Variants in IFT57 observed in about 807,000 individuals in gnomAD.
IFT57 encodes the protein intraflagellar transport 57, also known as intraflagellar transport protein 57 homolog.
Under a neutral mutation model 56.8 loss-of-function variants are expected in IFT57, and 59 were observed. The observed-to-expected ratio is 1.04, with a 90% confidence interval of 0.84 to 1.29. IFT57 has a LOEUF of 1.29. Ranked by LOEUF, IFT57 falls within the 50% of genes most tolerant of loss-of-function variation. The pLI, the probability that IFT57 is intolerant of heterozygous loss-of-function variation, is 0.00. For synonymous variants in IFT57, 209 were observed against 186.1 expected (o/e 1.12, Z -1.00); for missense variants, 470 against 522.1 (o/e 0.90, Z 0.97).
chr3:108,179,329 T>C (rs2080140090), intron 6 of IFT57, among the ~76,000 whole-genome samples: 2 of 151,932 alleles, frequency 1.3e-5, no homozygotes, highest in African/African-American at 4.8e-5. Flanking sequence ...TTTGCAAATC[T>C]GAATGGCAGA....
intron 5 of IFT57, among the ~76,000 whole-genome samples, chr3:108,200,387 T>C (rs1253175012): frequency 4.6e-5 from 7 of 151,422 alleles, no homozygotes; most frequent in Admixed American, 4.6e-4. Context: ...ACTACCGAGA[T>C]GGCCTGGGTA....
At chr3:108,198,172 G>C (rs1264352694) in intron 5 of IFT57, among the ~76,000 whole-genome samples, 2 of 152,138 alleles carry the variant, frequency 1.3e-5, no homozygotes, top group African/African-American at 4.8e-5. Context: ...TGGTAGGTCA[G>C]GCAGTGTTAC....
intron 2 of IFT57, among the ~76,000 whole-genome samples, chr3:108,219,099 T>C (rs1287566016): frequency 8.0e-6 from 1 of 125,640 alleles, no homozygotes; most frequent in African/African-American, 2.9e-5. Context: ...GAATATGAAG[T>C]GTTTTGGCTT....
intron 5 of IFT57, among the ~76,000 whole-genome samples, chr3:108,206,041 T>TATATATTATATATTATTTATATATAATA (rs1448383969): frequency 8.4e-6 from 1 of 118,514 alleles, no homozygotes; most frequent in Non-Finnish European, 1.7e-5. Context: ...TTATTTATAA[T>TATATATTATATATTATTTATATATAATA]ATATATTATA....
intron 6 of IFT57, among the ~76,000 whole-genome samples, chr3:108,173,808 G>GTGTGTGTGTGTGTGTGTGTA (rs771647277): frequency 3.2e-4 from 41 of 127,126 alleles, no homozygotes; most frequent in African/African-American, 1.0e-3. Flanking sequence ...GTGTGTGTGT[G>GTGTGTGTGTGTGTGTGTGTA]TATATAATAT....
At chr3:108,206,038 TA>T (rs1438818855) in intron 5 of IFT57, among the ~76,000 whole-genome samples, 10,507 of 124,120 alleles carry the variant, frequency 0.085, 501 homozygotes, top group Non-Finnish European at 0.1. Context: ...ATATTATTTA[TA>T]ATATATATTA....
chr3:108,171,816 A>G (rs2080093957), intron 6 of IFT57, among the ~76,000 whole-genome samples: 2 of 151,730 alleles, frequency 1.3e-5, no homozygotes, highest in Admixed American at 1.3e-4. Flanking sequence ...AAAAGTACTC[A>G]TCCTGCCTGG....
chr3:108,221,998 G>A (rs780054200), intron 1 of IFT57, 113 bp downstream of exon 1: 7 of 1,494,210 alleles, frequency 4.7e-6, no homozygotes, highest in Non-Finnish European at 6.3e-6. Context: ...CTAGGAAGAC[G>A]GAGGCAAGGA....
In IFT57 at chr3:108,171,573, G is replaced by A. The variant is rs574049089; in HGVS notation, c.778-3709C>T. Among the ~76,000 whole-genome samples, 42 of 151,808 alleles carry A rather than the reference G, an allele frequency of 2.8e-4. 1 individual carries two copies. The East Asian group carries it at 8.0e-3, about 29-fold the overall frequency. On this transcript the variant is annotated intron_variant, in intron 6 of 10. Transcript: ENST00000264538. ...GTAACGTTTTCATTTTATAGTTGAG[G>A]GGACTATTCACCACCCGTGACTATG...
intron 6 of IFT57, among the ~76,000 whole-genome samples, chr3:108,188,813 G>C (rs933690209): frequency 6.6e-6 from 1 of 152,148 alleles, no homozygotes; most frequent in Non-Finnish European, 1.5e-5. Context: ...GTGTGTGTTA[G>C]CAGTTACATT....
intron 9 of IFT57, among the ~76,000 whole-genome samples, chr3:108,164,273 G>C (rs985068087): frequency 1.3e-5 from 2 of 151,876 alleles, no homozygotes; most frequent in Non-Finnish European, 2.9e-5. Context: ...CTCCAAGGAG[G>C]CATACTTTGC....
At chr3:108,182,610 G>T (rs2080157286) in intron 6 of IFT57, among the ~76,000 whole-genome samples, 1 of 152,046 alleles carries the variant, frequency 6.6e-6, no homozygotes, top group Admixed American at 6.6e-5. Context: ...AAAATCCAAT[G>T]GCTTGGAGTT....
chr3:108,162,648 C>A lies in IFT57; in HGVS notation c.1119G>T (p.Leu373Phe), dbSNP rs200995912. 323 of 1,594,838 alleles carry A rather than the reference C, an allele frequency of 2.0e-4. No homozygotes were observed. Among genetic ancestry groups the A allele is most frequent in the Non-Finnish European group, 2.6e-4 (301 of 1,169,712 alleles). Residue 373 changes from leucine (L) to phenylalanine (F), a missense_variant, in exon 11 of 11, where the codon TTG (leucine) becomes TTT (phenylalanine). By Grantham distance (22) the Leu-to-Phe change is conservative (BLOSUM62 0). Transcript: ENST00000264538. Reference protein sequence around the residue: ...KGSSMTDGAPLVKIKQSLTKL... With the variant: ...KGSSMTDGAPFVKIKQSLTKL... ...TTGTTAAGCTCTGTTTAATCTTCACCAAAGGAGCTGCAGAATGAAAATAAC... is the reference window on the plus strand; with the variant it reads ...TTGTTAAGCTCTGTTTAATCTTCACAAAAGGAGCTGCAGAATGAAAATAAC...
intron 5 of IFT57, among the ~76,000 whole-genome samples, chr3:108,192,759 GAC>G (rs1389046628): frequency 6.6e-6 from 1 of 151,944 alleles, no homozygotes; most frequent in African/African-American, 2.4e-5. Flanking sequence ...ATATTTTTGA[GAC>G]AATCAGTGAA....
At chr3:108,195,847 T>C (rs951631494) in intron 5 of IFT57, among the ~76,000 whole-genome samples, 2 of 152,088 alleles carry the variant, frequency 1.3e-5, no homozygotes, top group Non-Finnish European at 2.9e-5. Context: ...GGATAAAAAG[T>C]GAATGGTTAT....
chr3:108,206,642 G>A lies in IFT57; in HGVS notation c.640C>T (p.Gln214Ter). 1 of 1,387,714 alleles carries A rather than the reference G, an allele frequency of 7.2e-7. No individual in the cohort carries two copies. The highest frequency in any genetic ancestry group is 9.6e-7 in the Non-Finnish European group (1 of 1,043,434). The allele number at this position is 1,387,714 out of a possible 1,614,324, so 86.0% of individuals were successfully genotyped here. ...ATGAAACTTACCAAGTGATATGTCT[G>A]GGCCTTTAAAACGTTGAGATCAATA... ...NFIDLNVLKA[Q>*]TYHLDMNETA... Residue 214 changes from glutamine to a stop codon, truncating the protein, a stop_gained, in exon 5 of 11, where the codon CAG becomes TAG. Coordinates refer to ENST00000264538, the MANE Select transcript of IFT57 (RefSeq NM_018010.4). LOFTEE classifies it high-confidence loss of function.
rs1280047744 is a variant in IFT57, at chr3:108,162,270, A to C, written c.*207T>G. On this transcript the variant is annotated 3_prime_UTR_variant, in exon 11 of 11. Coordinates refer to ENST00000264538, the MANE Select transcript of IFT57 (RefSeq NM_018010.4). ...AGGTAATGATTAGTGAAAGCTTCTT[A>C]GAAAGTGAGAATTTGTAATTTCTTT... 1 of 396,418 alleles carries C rather than the reference A, an allele frequency of 2.5e-6. No homozygotes were observed. Among genetic ancestry groups the C allele is most frequent in the Non-Finnish European group, 4.4e-6 (1 of 225,148 alleles). The allele number at this position is 396,418 out of a possible 1,614,324, so 24.6% of individuals were successfully genotyped here.
At chr3:108,182,013 C>A (rs1443090653) in intron 6 of IFT57, among the ~76,000 whole-genome samples, 1 of 152,020 alleles carries the variant, frequency 6.6e-6, no homozygotes. Flanking sequence ...AAAACGTATT[C>A]CCATATTCTA....
intron 5 of IFT57, among the ~76,000 whole-genome samples, chr3:108,205,858 T>A (rs1211810639): frequency 7.3e-6 from 1 of 136,302 alleles, no homozygotes; most frequent in South Asian, 2.1e-4. Flanking sequence ...AACATATATT[T>A]ATATAACATA....
Sources: allele counts gnomAD v4.1 joint callset (sites outside exome capture counted in the v4.1 genomes callset), GRCh38; gene constraint gnomAD v4.1.1; transcripts MANE v1.5; gene names NCBI Gene and HGNC (gene_info 2026-07-23, HGNC 2026-07-21).